Variants in MAP3K21 observed in about 807,000 individuals in gnomAD.
MAP3K21 encodes mitogen-activated protein kinase kinase kinase MLK4.
MAP3K21 carries 63 observed loss-of-function variants against 86.1 expected under a neutral mutation model. That is an observed-to-expected ratio of 0.73 (90% CI 0.60 to 0.90). The LOEUF (loss-of-function observed/expected upper bound fraction) is 0.90. Among genes scored for constraint, MAP3K21 ranks in the 40% least tolerant of loss-of-function variants. The pLI is 0.00. For missense variants in MAP3K21, 1,220 were observed against 1,367.7 expected (o/e 0.89, Z 1.70); for synonymous variants, 558 against 564.8 (o/e 0.99, Z 0.17).
chr1:233,345,587 TG>T (rs1353713474), intron 1 of MAP3K21, among the ~76,000 whole-genome samples: 9 of 123,776 alleles, frequency 7.3e-5, no homozygotes, highest in Admixed American at 1.7e-4. Context: ...TGTCATGGGA[TG>T]GGGGGCAGGG....
chr1:233,361,271 A>T (rs1193963608), intron 4 of MAP3K21, among the ~76,000 whole-genome samples: 1 of 152,242 alleles, frequency 6.6e-6, no homozygotes, highest in Admixed American at 6.5e-5. Context: ...GTACTTCAAA[A>T]ACCAAAACCA....
intron 5 of MAP3K21, among the ~76,000 whole-genome samples, chr1:233,366,519 T>C (rs940813635): frequency 8.5e-5 from 13 of 152,164 alleles, no homozygotes; most frequent in African/African-American, 3.1e-4. Context: ...ATTCTAATAC[T>C]GTTAAATGGC....
chr1:233,343,475 T>G (rs76334033), intron 1 of MAP3K21, among the ~76,000 whole-genome samples: 2,117 of 152,208 alleles, frequency 0.014, 53 homozygotes, highest in African/African-American at 0.048. Context: ...ACTGCATGCA[T>G]TTCCTCACCA....
chr1:233,353,705 A>G (rs561578390), intron 2 of MAP3K21, 102 bp from the exon 3 acceptor site: 3 of 1,135,412 alleles, frequency 2.6e-6, no homozygotes, highest in Non-Finnish European at 2.4e-6. Flanking sequence ...AGAGTGTCCT[A>G]TTAGGAATGG....
At chr1:233,350,783 A>G (rs1663236958) in intron 2 of MAP3K21, among the ~76,000 whole-genome samples, 2 of 152,232 alleles carry the variant, frequency 1.3e-5, no homozygotes, top group African/African-American at 4.8e-5. Context: ...GCTGAGATCC[A>G]TGACTCCCGA....
At chr1:233,336,538 C>CAAATAAATAAATAAATAAATAAAT (rs35056283) in intron 1 of MAP3K21, among the ~76,000 whole-genome samples, 2 of 147,094 alleles carry the variant, frequency 1.4e-5, no homozygotes, top group Non-Finnish European at 3.0e-5. Context: ...CAGATGCCGT[C>CAAATAAATAAATAAATAAATAAAT]AAATAAATAA....
chr1:233,328,391 C>A lies in MAP3K21; in HGVS notation c.363C>A (p.Phe121Leu). Reference protein sequence around the residue: ...SRPSSPVHVAFERLELKELIG... With the variant: ...SRPSSPVHVALERLELKELIG... ...CCAGCTCCCCGGTACACGTCGCCTT[C>A]GAGCGGCTGGAGCTGAAGGAGCTCA... Residue 121 changes from phenylalanine to leucine, a missense_variant, in exon 1 of 10, where the codon TTC (phenylalanine) becomes TTA (leucine). By Grantham distance (22) the Phe-to-Leu change is conservative (BLOSUM62 0). Coordinates refer to ENST00000366624, the MANE Select transcript of MAP3K21 (RefSeq NM_032435.3). This position sits in a 1 kb window ranked among gnomAD's most constrained non-coding sequence, Gnocchi z 8.7. The A allele has an allele frequency of 6.7e-7, 1 of 1,487,090 alleles. No homozygotes were observed. Among genetic ancestry groups the A allele is most frequent in the Non-Finnish European group, 8.9e-7 (1 of 1,126,276 alleles). The allele number at this position is 1,487,090 out of a possible 1,614,324, so 92.1% of individuals were successfully genotyped here.
chr1:233,346,483 A>G lies in MAP3K21; in HGVS notation c.847A>G (p.Lys283Glu), dbSNP rs761390050. The G allele has an allele frequency of 6.2e-7, 1 of 1,613,730 alleles. No homozygotes were observed. Among genetic ancestry groups the G allele is most frequent in the East Asian group, 2.2e-5 (1 of 44,882 alleles). Residue 283 changes from lysine to glutamate, a missense_variant, in exon 2 of 10, where the codon AAA (lysine) becomes GAA (glutamate). This residue lies in a region of MAP3K21 where 89 missense variants were observed against 144.8 expected (regional missense o/e 0.61). Transcript: ENST00000366624. ...EKIEHDDICN[K>E]TLKITDFGLA... Reference sequence around the variant, plus strand: ...GATAGAACATGATGACATCTGCAATAAAACTTTGAAGATTACAGATTTTGG... The same window carrying G: ...GATAGAACATGATGACATCTGCAATGAAACTTTGAAGATTACAGATTTTGG...
chr1:233,344,985 T>C lies in MAP3K21; in HGVS notation c.806-1457T>C, dbSNP rs139602816. 4.6e-5 allele frequency among the ~76,000 whole-genome samples: 7 copies of C among 152,270 alleles called. No individual in the cohort carries two copies. In the East Asian group the frequency reaches 1.2e-3, roughly 25 times the overall value. On this transcript the variant is annotated intron_variant, in intron 1 of 9. Coordinates refer to ENST00000366624, the MANE Select transcript of MAP3K21 (RefSeq NM_032435.3). ...AGCCAACAGACACATGAAAAAATGC[T>C]TATCACTACTGGTCATCAGAGAAAT... is the stretch of plus-strand genomic sequence containing the variant.
Position 233,385,104 on chromosome 1 carries a change from T to A in MAP3K21, c.*2393T>A, listed in dbSNP as rs554031703. On this transcript the variant is annotated 3_prime_UTR_variant, in exon 10 of 10. Transcript: ENST00000366624. ...CTGAAAAATATGTTTACATATGTTGTCTATTTTTTTAATAAACTTTTATAG... is the reference window on the plus strand; with the variant it reads ...CTGAAAAATATGTTTACATATGTTGACTATTTTTTTAATAAACTTTTATAG... 2.6e-5 allele frequency: 4 copies of A among 152,366 alleles called. No homozygotes were observed. The East Asian group carries it at 7.7e-4, about 29-fold the overall frequency. The allele number at this position is 152,366 out of a possible 1,614,324, so 9.4% of individuals were successfully genotyped here. A position where few individuals can be genotyped will look rare whatever the true frequency, so the allele number is the denominator to read the frequency against.
chr1:233,352,760 C>T (rs1663273640), intron 2 of MAP3K21, among the ~76,000 whole-genome samples: 1 of 152,110 alleles, frequency 6.6e-6, no homozygotes. Context: ...GACAGTGTTA[C>T]TTATATGCTT....
rs367916222 is a variant in MAP3K21, at chr1:233,353,935, C to T, written c.1115C>T (p.Pro372Leu). Reference protein sequence around the residue: ...TLPIPSTCPEPFAKLMKECWQ... With the variant: ...TLPIPSTCPELFAKLMKECWQ... ...CCCATTCCATCCACCTGCCCTGAGC[C>T]GTTTGCCAAGCTCATGAAAGGTATT... Residue 372 changes from proline (P) to leucine (L), a missense_variant, in exon 3 of 10, where the codon CCG (proline) becomes CTG (leucine). By Grantham distance (98) the Pro-to-Leu change is moderately conservative. Transcript: ENST00000366624. The T allele has an allele frequency of 3.1e-5, 49 of 1,605,544 alleles. No individual in the cohort carries two copies. Among genetic ancestry groups the T allele is most frequent in the South Asian group, 8.9e-5 (8 of 89,828 alleles).
intron 9 of MAP3K21, 65 bp downstream of exon 9, chr1:233,379,775 T>A (rs1309707359): frequency 1.6e-6 from 2 of 1,215,536 alleles, no homozygotes; most frequent in East Asian, 4.7e-5. Flanking sequence ...TGAAACAGTA[T>A]GGATTTATGA....
chr1:233,355,649 C>T (rs183619289), intron 4 of MAP3K21, among the ~76,000 whole-genome samples: 7 of 152,242 alleles, frequency 4.6e-5, no homozygotes, highest in Non-Finnish European at 7.4e-5. Flanking sequence ...GAAGCTCCCC[C>T]GACTCCCGCT....
chr1:233,369,843 C>A (rs979761149), intron 5 of MAP3K21, among the ~76,000 whole-genome samples: 2 of 152,128 alleles, frequency 1.3e-5, no homozygotes, highest in Non-Finnish European at 2.9e-5. Context: ...AAGAAGTGAG[C>A]TGACCCCTCT....
At position 233,353,959 on chromosome 1, in the gene MAP3K21, TTG is replaced by T. The variant is rs367946480; in HGVS notation, c.1135+22_1135+23del. On this transcript the variant is annotated splice_donor_5th_base_variant and intron_variant, in intron 3 of 9. Coordinates refer to ENST00000366624, the MANE Select transcript of MAP3K21 (RefSeq NM_032435.3). The stretch of plus-strand genomic sequence containing the variant: ...CCGTTTGCCAAGCTCATGAAAGGTA[TTG>T]TGTGTGTGTGTGTGTGTCTTTGTGG... The T allele has an allele frequency of 2.3e-3, 3,271 of 1,441,128 alleles. No homozygotes were observed. The highest frequency in any genetic ancestry group is 5.8e-3 in the South Asian group (445 of 77,068). The allele number at this position is 1,441,128 out of a possible 1,614,324, so 89.3% of individuals were successfully genotyped here.
At chr1:233,345,930 G>A (rs1212676674) in intron 1 of MAP3K21, among the ~76,000 whole-genome samples, 2 of 151,996 alleles carry the variant, frequency 1.3e-5, no homozygotes, top group East Asian at 3.9e-4. Context: ...GCTACATTTT[G>A]AGCTCCAGTA....
At chr1:233,337,148 A>G (rs1304819705) in intron 1 of MAP3K21, among the ~76,000 whole-genome samples, 3 of 152,154 alleles carry the variant, frequency 2.0e-5, no homozygotes, top group Non-Finnish European at 4.4e-5. Context: ...CGGATAGTAA[A>G]TCTTTTTGGT....
In MAP3K21 at chr1:233,346,636, T is replaced by G; in HGVS notation, c.986+14T>G. On this transcript the variant is annotated intron_variant, in intron 2 of 9. Coordinates refer to ENST00000366624, the MANE Select transcript of MAP3K21 (RefSeq NM_032435.3). ...CGACATCTGGAGGTGAGCCTTTCCT[T>G]TTGCAAACATCGGCAGAAACTGCTT... is the stretch of plus-strand genomic sequence containing the variant. 1.2e-6 allele frequency: 2 copies of G among 1,610,880 alleles called. No homozygotes were observed. Among genetic ancestry groups the G allele is most frequent in the Non-Finnish European group, 1.7e-6 (2 of 1,178,374 alleles).
Sources: allele counts gnomAD v4.1 joint callset (sites outside exome capture counted in the v4.1 genomes callset), GRCh38; gene constraint gnomAD v4.1.1; regional missense constraint gnomAD v4.1.1; non-coding constraint Gnocchi (gnomAD v3.1); transcripts MANE v1.5; gene names NCBI Gene and HGNC (gene_info 2026-07-23, HGNC 2026-07-21).